Variants in LY96 observed in about 807,000 individuals in gnomAD.
The protein encoded by LY96 is lymphocyte antigen 96, also known as myeloid differentiation protein-2.
In LY96, 18 loss-of-function variants were observed where a neutral mutation model predicts 18.9. That is an observed-to-expected ratio of 0.95 (90% CI 0.66 to 1.41). The LOEUF (loss-of-function observed/expected upper bound fraction) is 1.41, where lower values mean the gene tolerates loss of function less well. Ranked by LOEUF, LY96 falls within the 40% of genes most tolerant of loss-of-function variation. The pLI, the probability that LY96 is intolerant of heterozygous loss-of-function variation, is 0.00. For synonymous variants in LY96, 66 were observed against 62.6 expected, an observed-to-expected ratio of 1.06 and a Z score of -0.26; for missense variants, 175 against 182.4, an observed-to-expected ratio of 0.96 and a Z score of 0.23.
chr8:74,027,742 G>A (rs1344833185), intron 4 of LY96, among the ~76,000 whole-genome samples: 4 of 152,196 alleles, frequency 2.6e-5, no homozygotes, highest in Non-Finnish European at 5.9e-5. Flanking sequence ...TAAGGTATAT[G>A]TCTATGTGTA....
intron 3 of LY96, among the ~76,000 whole-genome samples, chr8:74,015,582 A>G (rs1423494101): frequency 6.6e-6 from 1 of 152,104 alleles, no homozygotes; most frequent in Non-Finnish European, 1.5e-5. Flanking sequence ...TTTTAACTTG[A>G]TTATCTGCAA....
the LY96 span, among the ~76,000 whole-genome samples, chr8:74,053,722 T>C: frequency 6.6e-6 from 1 of 152,262 alleles, no homozygotes; most frequent in South Asian, 2.1e-4. Flanking sequence ...ATGATTTGAA[T>C]GTGTCTGCCA....
intron 3 of LY96, among the ~76,000 whole-genome samples, chr8:74,012,946 A>G (rs1816559306): frequency 6.6e-6 from 1 of 151,850 alleles, no homozygotes; most frequent in Admixed American, 6.6e-5. Context: ...TGGCAGAAAA[A>G]CTGGGATAAG....
At chr8:74,088,305 C>T in the LY96 span, among the ~76,000 whole-genome samples, 3 of 152,192 alleles carry the variant, frequency 2.0e-5, no homozygotes, top group Admixed American at 1.3e-4. Context: ...CAGCAGAGGG[C>T]AGTGGAGCAC....
the LY96 span, among the ~76,000 whole-genome samples, chr8:74,057,842 C>T: frequency 2.3e-4 from 35 of 152,106 alleles, no homozygotes; most frequent in African/African-American, 8.5e-4. Context: ...TTAAAGTAAT[C>T]CAGGGGATGA....
the LY96 span, chr8:74,048,765 G>A: frequency 6.8e-6 from 1 of 148,138 alleles, no homozygotes; most frequent in South Asian, 2.1e-4. Flanking sequence ...ATGCAAATTT[G>A]TGATGTGGTC....
the LY96 span, among the ~76,000 whole-genome samples, chr8:74,053,348 T>C: frequency 6.6e-6 from 1 of 152,238 alleles, no homozygotes; most frequent in African/African-American, 2.4e-5. Flanking sequence ...CACCCATTTC[T>C]AATCCTTTAG....
the LY96 span, among the ~76,000 whole-genome samples, chr8:74,095,741 C>T: frequency 6.6e-6 from 1 of 152,222 alleles, no homozygotes. Flanking sequence ...TTCATTGACA[C>T]ATCCAGGGCT....
chr8:74,069,527 T>A, the LY96 span, among the ~76,000 whole-genome samples: 1 of 152,238 alleles, frequency 6.6e-6, no homozygotes, highest in African/African-American at 2.4e-5. Flanking sequence ...CAGTTCCCCA[T>A]CTACCATCCA....
the LY96 span, among the ~76,000 whole-genome samples, chr8:74,040,045 C>T: frequency 6.6e-6 from 1 of 152,192 alleles, no homozygotes; most frequent in Non-Finnish European, 1.5e-5. Context: ...TCAAGCGGCC[C>T]TTATGCGGGC....
chr8:74,034,086 C>T, the LY96 span, among the ~76,000 whole-genome samples: 1 of 152,140 alleles, frequency 6.6e-6, no homozygotes, highest in African/African-American at 2.4e-5. Context: ...TATAATTTCT[C>T]TTTAGGCTGG....
the LY96 span, among the ~76,000 whole-genome samples, chr8:74,053,044 T>C: frequency 1.3e-5 from 2 of 152,182 alleles, no homozygotes; most frequent in African/African-American, 4.8e-5. Context: ...AAGCAACCCT[T>C]GCACATCCCA....
the LY96 span, among the ~76,000 whole-genome samples, chr8:74,075,150 C>T: frequency 3.9e-5 from 6 of 152,172 alleles, no homozygotes; most frequent in African/African-American, 1.2e-4. Context: ...TTGCTTTATA[C>T]GTCTAGATGC....
chr8:74,054,067 A>T, the LY96 span, among the ~76,000 whole-genome samples: 1 of 152,158 alleles, frequency 6.6e-6, no homozygotes, highest in Non-Finnish European at 1.5e-5. Flanking sequence ...TTGTTCTGTC[A>T]TCCAGGCTAG....
chr8:74,090,064 G>A, the LY96 span, among the ~76,000 whole-genome samples: 5 of 152,130 alleles, frequency 3.3e-5, no homozygotes, highest in East Asian at 9.6e-4. Context: ...AGGTTTTAGA[G>A]CAGGGGAGGT....
chr8:74,026,793 T>G lies in LY96; in HGVS notation c.336T>G (p.Thr112=). ...TATTTTATATTTTGTTTGCAGAGAC[T>G]GTGAATACAACAATATCATTCTCCT... The part of the protein sequence containing the change: ...YSFCRALKGE[T]VNTTISFSFK... The change falls in exon 4 of 5, where the codon ACT becomes ACG. Residue 112 remains threonine, a synonymous_variant. Coordinates refer to ENST00000284818, the MANE Select transcript of LY96 (RefSeq NM_015364.5). 6.5e-7 allele frequency: 1 copy of G among 1,531,266 alleles called. No individual in the cohort carries two copies. The highest frequency in any genetic ancestry group is 9.0e-7 in the Non-Finnish European group (1 of 1,105,350). 94.9% of individuals were successfully genotyped at this position (1,531,266 alleles called of 1,614,324 possible).
chr8:74,012,404 G>A (rs1428431946), intron 3 of LY96, among the ~76,000 whole-genome samples: 1 of 152,134 alleles, frequency 6.6e-6, no homozygotes, highest in East Asian at 1.9e-4. Context: ...GGAACTAGAG[G>A]CCATTATCTT....
At chr8:74,031,261 TC>T (rs1816965060), downstream of LY96, among the ~76,000 whole-genome samples, 1 of 152,122 alleles carries the variant, frequency 6.6e-6, no homozygotes, top group Non-Finnish European at 1.5e-5. Flanking sequence ...CTTTCTTTTC[TC>T]TTCTGCCTAT....
chr8:74,022,581 CTT>C lies in LY96; in HGVS notation c.332-4194_332-4193del, dbSNP rs769379029. On this transcript the variant is annotated intron_variant, in intron 3 of 4. Transcript: ENST00000284818. The stretch of plus-strand genomic sequence containing the variant: ...GAAATCTAGGGTTTTTTCTTTTTTT[CTT>C]TTTTTTTTTTTTTGTGACAGGGTCT... Among the ~76,000 whole-genome samples the C allele has an allele frequency of 2.2e-4, 29 of 133,066 alleles. No individual in the cohort carries two copies. The South Asian group carries it at 3.7e-3, about 17-fold the overall frequency. The allele number at this position is 133,066 out of a possible 152,430, so 87.3% of individuals were successfully genotyped here.
Sources: allele counts gnomAD v4.1 joint callset (sites outside exome capture counted in the v4.1 genomes callset), GRCh38; gene constraint gnomAD v4.1.1; transcripts MANE v1.5; gene names NCBI Gene and HGNC (gene_info 2026-07-23, HGNC 2026-07-21).